Variants in NALF1 observed in about 807,000 individuals in gnomAD.
NALF1 encodes family with sequence similarity 155 member A.
A neutral mutation model predicts 48.4 loss-of-function variants in NALF1; 3 were observed. The ratio of observed to expected loss-of-function variants is 0.06; its 90% CI spans 0.03 to 0.16. The LOEUF is 0.16. Ranked by LOEUF, NALF1 falls within the 10% of genes least tolerant of loss-of-function variation. The probability of loss-of-function intolerance (pLI) is 1.00; values close to 1 mark genes in which losing one functional copy is unlikely to be tolerated. For synonymous variants in NALF1, 262 were observed against 245.7 expected, an observed-to-expected ratio of 1.07 and a Z score of -0.62; for missense variants, 526 against 571.5, an observed-to-expected ratio of 0.92 and a Z score of 0.81.
intron 1 of NALF1, among the ~76,000 whole-genome samples, chr13:107,428,794 C>A (rs990213567): frequency 1.3e-5 from 2 of 152,168 alleles, no homozygotes; most frequent in Admixed American, 1.3e-4. Flanking sequence ...GGTCTTTTAA[C>A]AAACTATGTA....
chr13:107,852,232 AT>A (rs1880338461), intron 1 of NALF1, among the ~76,000 whole-genome samples: 1 of 151,944 alleles, frequency 6.6e-6, no homozygotes, highest in African/African-American at 2.4e-5. Flanking sequence ...AATGGCTTAC[AT>A]TTTTCCATGT....
chr13:107,463,990 G>A (rs888314324), intron 1 of NALF1, among the ~76,000 whole-genome samples: 1 of 152,028 alleles, frequency 6.6e-6, no homozygotes, highest in Non-Finnish European at 1.5e-5. Flanking sequence ...AGAATGAAGG[G>A]CTATCCACAT....
In NALF1 at chr13:107,362,210, C is replaced by T. The variant is rs756652491; in HGVS notation, c.916-151455G>A. Reference sequence around the variant, plus strand: ...AAGGTTACCTGATGGTGGGGAAAAACGGGGTCAGGTGACAGCTTTATGATA... The same window carrying T: ...AAGGTTACCTGATGGTGGGGAAAAATGGGGTCAGGTGACAGCTTTATGATA... On this transcript the variant is annotated intron_variant, in intron 1 of 2. Coordinates refer to ENST00000375915, the MANE Select transcript of NALF1 (RefSeq NM_001080396.3). This position sits in a 1 kb window ranked among gnomAD's most constrained non-coding sequence, Gnocchi z 4.6. Among the ~76,000 whole-genome samples, 23 of 152,098 alleles carry T rather than the reference C, an allele frequency of 1.5e-4. No homozygotes were observed. The highest frequency in any genetic ancestry group is 3.9e-4 in the East Asian group (2 of 5,184).
At chr13:107,824,120 T>G (rs1166091468) in intron 1 of NALF1, among the ~76,000 whole-genome samples, 1 of 152,168 alleles carries the variant, frequency 6.6e-6, no homozygotes, top group Non-Finnish European at 1.5e-5. Flanking sequence ...CAAATGAATA[T>G]TTCCATATTA....
rs1469451659 is a variant in NALF1 at position 107,292,988 on chromosome 13, T to TTTTCTTTTTC, written c.916-82234_916-82233insGAAAAAGAAA. ...TTTTCAGCTCCGTTATAGTTTTTCT[T>TTTTCTTTTTC]TTTCTTTTTTTTTTTTTTTTTGAGC... On this transcript the variant is annotated intron_variant, in intron 1 of 2. Transcript: ENST00000375915. 4.3e-4 allele frequency among the ~76,000 whole-genome samples: 28 copies of TTTTCTTTTTC among 65,382 alleles called. No individual in the cohort carries two copies. In the South Asian group the frequency reaches 0.018, roughly 42 times the overall value. The allele number at this position is 65,382 out of a possible 152,430, so 42.9% of individuals were successfully genotyped here. A position where few individuals can be genotyped will look rare whatever the true frequency, so the allele number is the denominator to read the frequency against.
rs140523963 is a variant in NALF1 at position 107,626,033 on chromosome 13, G to A, written c.915+239649C>T. ...ATTCATGATGTAGATTATGAAGGTC[G>A]TTTCTTTTTAACTTGTTAATCTTAT... On this transcript the variant is annotated intron_variant, in intron 1 of 2. Coordinates refer to ENST00000375915, the MANE Select transcript of NALF1 (RefSeq NM_001080396.3). Among the ~76,000 whole-genome samples, 816 of 152,048 alleles carry A rather than the reference G, an allele frequency of 5.4e-3. 7 individuals carry two copies. The highest frequency in any genetic ancestry group is 0.014 in the Middle Eastern group (4 of 292).
chr13:107,738,099 A>C (rs1324341929), intron 1 of NALF1, among the ~76,000 whole-genome samples: 1 of 152,220 alleles, frequency 6.6e-6, no homozygotes, highest in African/African-American at 2.4e-5. Flanking sequence ...GAAATGAAAC[A>C]TAAGTCACCA....
intron 1 of NALF1, among the ~76,000 whole-genome samples, chr13:107,551,586 T>G (rs994648582): frequency 1.3e-5 from 2 of 152,160 alleles, no homozygotes; most frequent in Non-Finnish European, 2.9e-5. Context: ...GCCCCTACTA[T>G]TATTTTTTCA....
chr13:107,228,293 A>G (rs1363297315), intron 1 of NALF1, among the ~76,000 whole-genome samples: 3 of 152,244 alleles, frequency 2.0e-5, no homozygotes, highest in Admixed American at 6.5e-5. Flanking sequence ...CAGTGAAATC[A>G]GGCCATGAAA....
At position 107,796,247 on chromosome 13, in the gene NALF1, C is replaced by T. The variant is rs533077880; in HGVS notation, c.915+69435G>A. 3.3e-5 allele frequency among the ~76,000 whole-genome samples: 5 copies of T among 152,116 alleles called. 1 individual carries two copies. Among genetic ancestry groups the T allele is most frequent in the Admixed American group, 1.3e-4 (2 of 15,292 alleles). On this transcript the variant is annotated intron_variant, in intron 1 of 2. Transcript: ENST00000375915. ...TTTGGGTCTTCTAACTTCTTGAGCCCGGTAATAAATTCACAATAGTTTTTG... is the reference window on the plus strand; with the variant it reads ...TTTGGGTCTTCTAACTTCTTGAGCCTGGTAATAAATTCACAATAGTTTTTG...
At chr13:107,687,177 C>T (rs1476625040) in intron 1 of NALF1, among the ~76,000 whole-genome samples, 1 of 152,072 alleles carries the variant, frequency 6.6e-6, no homozygotes, top group Non-Finnish European at 1.5e-5. Context: ...GGCCATTTTC[C>T]TAAGTGAATT....
intron 1 of NALF1, among the ~76,000 whole-genome samples, chr13:107,454,816 C>T (rs1884798664): frequency 6.6e-6 from 1 of 152,172 alleles, no homozygotes; most frequent in Non-Finnish European, 1.5e-5. Flanking sequence ...AGAGTTCTCT[C>T]CTAGGATTGT....
At chr13:107,716,547 T>G (rs746814151) in intron 1 of NALF1, among the ~76,000 whole-genome samples, 15 of 152,200 alleles carry the variant, frequency 9.9e-5, no homozygotes, top group Non-Finnish European at 2.1e-4. Flanking sequence ...CTGCTTTCTC[T>G]TCGCTGTCCA....
chr13:107,603,674 G>T (rs1017179246), intron 1 of NALF1, among the ~76,000 whole-genome samples: 8 of 152,182 alleles, frequency 5.3e-5, no homozygotes, highest in African/African-American at 1.9e-4. Flanking sequence ...AGATAGTGAA[G>T]ATTAAAACTA....
chr13:107,355,603 G>T (rs2138949349), intron 1 of NALF1, among the ~76,000 whole-genome samples: 1 of 152,110 alleles, frequency 6.6e-6, no homozygotes, highest in African/African-American at 2.4e-5. Context: ...GAGTTCTCAT[G>T]AGATCTGGTT....
intron 1 of NALF1, among the ~76,000 whole-genome samples, chr13:107,518,354 C>A (rs1238015035): frequency 6.6e-6 from 1 of 152,120 alleles, no homozygotes; most frequent in Non-Finnish European, 1.5e-5. Context: ...TAAACAGACT[C>A]AGCTGTTGGA....
intron 1 of NALF1, among the ~76,000 whole-genome samples, chr13:107,618,895 CA>C (rs1281285038): frequency 1.3e-5 from 2 of 152,160 alleles, no homozygotes; most frequent in Non-Finnish European, 2.9e-5. Flanking sequence ...AAAAGCTAAA[CA>C]ACATATTGCT....
chr13:107,750,366 A>G (rs1298905265), intron 1 of NALF1, among the ~76,000 whole-genome samples: 1 of 152,194 alleles, frequency 6.6e-6, no homozygotes, highest in African/African-American at 2.4e-5. Context: ...CTCAGAAAAT[A>G]CAGGAAGCTA....
At chr13:107,283,955 A>G (rs1002640549) in intron 1 of NALF1, among the ~76,000 whole-genome samples, 1 of 152,100 alleles carries the variant, frequency 6.6e-6, no homozygotes, top group African/African-American at 2.4e-5. Context: ...GGAGTTCCCT[A>G]AAAGACTGAA....
Sources: gnomAD v4.1 joint callset for allele counts (sites outside exome capture counted in the v4.1 genomes callset) on GRCh38, gnomAD v4.1.1 for gene constraint, Gnocchi (gnomAD v3.1) non-coding constraint, MANE v1.5 for transcripts, NCBI Gene and HGNC (gene_info 2026-07-23, HGNC 2026-07-21) for gene names.